CD44: variants seen among roughly 807,000 people sequenced by gnomAD.
The protein encoded by CD44 is CD44 antigen.
Under a neutral mutation model 88.8 loss-of-function variants are expected in CD44, and 49 were observed. The observed-to-expected ratio is 0.55, with a 90% CI of 0.44 to 0.70. The LOEUF (loss-of-function observed/expected upper bound fraction) is 0.70, where lower values mean the gene tolerates loss of function less well. Among genes scored for constraint, CD44 ranks in the 30% least tolerant of loss-of-function variants. CD44 has a pLI of 0.00. For missense variants in CD44, 883 were observed against 913.8 expected (o/e 0.97, Z 0.43); for synonymous variants, 325 against 312.3 (o/e 1.04, Z -0.43).
At chr11:35,143,014 C>T (rs752034898) in intron 1 of CD44, among the ~76,000 whole-genome samples, 7 of 152,070 alleles carry the variant, frequency 4.6e-5, no homozygotes, top group Non-Finnish European at 7.4e-5. Context: ...CTCAACCCCA[C>T]CCCCTGCAGT....
At chr11:35,229,042 C>T (rs563268359) in intron 17 of CD44, 87 bp from the exon 18 acceptor site, 2 of 1,091,878 alleles carry the variant, frequency 1.8e-6, no homozygotes, top group East Asian at 2.4e-5. Context: ...CCATAGTGAT[C>T]ATCAATGATG....
In CD44 at chr11:35,204,629, C is replaced by A; in HGVS notation, c.1271C>A (p.Thr424Lys). The A allele has an allele frequency of 6.2e-7, 1 of 1,613,050 alleles. No individual in the cohort carries two copies. Among genetic ancestry groups the A allele is most frequent in the South Asian group, 1.1e-5 (1 of 91,050 alleles). Residue 424 changes from threonine to lysine, a missense_variant, in exon 10 of 18, where the codon ACA (threonine) becomes AAA (lysine). Thr to Lys is a moderately conservative substitution (Grantham distance 78, BLOSUM62 -1). Coordinates refer to ENST00000428726, the MANE Select transcript of CD44 (RefSeq NM_000610.4). ...QTPKEDSHSTTGTAAASAHTS... is the reference protein window; with the variant it reads ...QTPKEDSHSTKGTAAASAHTS... ...CCCAAAGAAGACTCCCATTCGACAA[C>A]AGGGACAGCTGGTAATGGATGGTTT...
intron 2 of CD44, among the ~76,000 whole-genome samples, chr11:35,179,379 T>C (rs889739013): frequency 6.6e-6 from 1 of 152,186 alleles, no homozygotes; most frequent in African/African-American, 2.4e-5. Context: ...GCATTTTATA[T>C]TCAAAAAAAA....
chr11:35,190,334 T>C (rs893002142), intron 5 of CD44: 3 of 520,792 alleles, frequency 5.8e-6, no homozygotes, highest in African/African-American at 3.8e-5. Flanking sequence ...GGGAGAGCCC[T>C]CCTTATTCTC....
At chr11:35,210,453 T>C (rs1676670029) in intron 13 of CD44, 1 of 152,904 alleles carries the variant, frequency 6.5e-6, no homozygotes, top group Admixed American at 6.5e-5. Flanking sequence ...GAGATTCTGA[T>C]ATGTTGTATC....
At chr11:35,182,459 C>T (rs76829147) in intron 3 of CD44, among the ~76,000 whole-genome samples, 10,050 of 152,156 alleles carry the variant, frequency 0.066, 405 homozygotes, top group South Asian at 0.19. Context: ...AATGTTTACT[C>T]CTCCCTGTTA....
intron 1 of CD44, 73 bp downstream of exon 1, chr11:35,139,443 C>T (rs1857450868): frequency 7.5e-7 from 1 of 1,327,436 alleles, no homozygotes; most frequent in Admixed American, 2.0e-5. Context: ...GCAGCCCCTC[C>T]GGCTGAGTCG....
chr11:35,193,536 C>T (rs1157913507), intron 5 of CD44, among the ~76,000 whole-genome samples: 1 of 152,178 alleles, frequency 6.6e-6, no homozygotes, highest in Non-Finnish European at 1.5e-5. Context: ...TGTAGCATCA[C>T]TTTTTTGAGG....
At chr11:35,176,963 G>A (rs1944527091) in intron 2 of CD44, 1 of 485,834 alleles carries the variant, frequency 2.1e-6, no homozygotes. Context: ...CCCAGAGGAA[G>A]CCATTAGGGG....
intron 5 of CD44, among the ~76,000 whole-genome samples, chr11:35,193,156 G>T (rs956176023): frequency 7.2e-5 from 11 of 152,154 alleles, no homozygotes; most frequent in Non-Finnish European, 1.3e-4. Flanking sequence ...TGCAGCAGGG[G>T]TGTCCAGTCT....
chr11:35,167,895 G>A (rs1370618581), intron 1 of CD44, among the ~76,000 whole-genome samples: 1 of 152,236 alleles, frequency 6.6e-6, no homozygotes, highest in African/African-American at 2.4e-5. Context: ...AAGGGCAGGA[G>A]GCCTGGGGGC....
chr11:35,222,332 G>A, intron 17 of CD44: 6 of 973,108 alleles, frequency 6.2e-6, no homozygotes, highest in Non-Finnish European at 8.7e-6. Context: ...TTTGTTGTTT[G>A]GTTTTTGTAA....
At chr11:35,202,801 C>G (rs533887035) in intron 9 of CD44, among the ~76,000 whole-genome samples, 1 of 152,210 alleles carries the variant, frequency 6.6e-6, no homozygotes, top group East Asian at 1.9e-4. Context: ...TGTATACATA[C>G]GGCTTAGGGG....
chr11:35,160,889 T>G (rs1942507870), intron 1 of CD44, among the ~76,000 whole-genome samples: 1 of 152,198 alleles, frequency 6.6e-6, no homozygotes, highest in South Asian at 2.1e-4. Flanking sequence ...CTCCTTAGAA[T>G]GGTGTTTTAT....
intron 1 of CD44, among the ~76,000 whole-genome samples, chr11:35,142,823 C>A (rs1165177000): frequency 6.6e-6 from 1 of 152,200 alleles, no homozygotes; most frequent in East Asian, 1.9e-4. Context: ...ATGACAGATT[C>A]CCTTCCATTC....
At position 35,229,463 on chromosome 11, in the gene CD44, A is replaced by C; in HGVS notation, c.*130A>C. On this transcript the variant is annotated 3_prime_UTR_variant, in exon 18 of 18. Transcript: ENST00000428726. ...AATCTTTTTTAGCATAAAATTTTCT[A>C]CTCTTTTTGTTTTTTGTGTTTTGTT... The C allele has an allele frequency of 1.6e-6, 1 of 614,698 alleles. No individual in the cohort carries two copies. 38.1% of individuals were successfully genotyped at this position (614,698 alleles called of 1,614,324 possible). A position where few individuals can be genotyped will look rare whatever the true frequency, so the allele number is the denominator to read the frequency against.
At chr11:35,158,103 C>T (rs1406606403) in intron 1 of CD44, among the ~76,000 whole-genome samples, 1 of 152,158 alleles carries the variant, frequency 6.6e-6, no homozygotes, top group Non-Finnish European at 1.5e-5. Flanking sequence ...GCATTGTTTG[C>T]GTTGTTAAAA....
chr11:35,148,869 C>T (rs1859733296), intron 1 of CD44, among the ~76,000 whole-genome samples: 1 of 152,154 alleles, frequency 6.6e-6, no homozygotes, highest in East Asian at 1.9e-4. Context: ...AATTCTTTTT[C>T]TTCATTTTTT....
intron 1 of CD44, among the ~76,000 whole-genome samples, chr11:35,146,660 T>C (rs1024793734): frequency 6.6e-6 from 1 of 152,226 alleles, no homozygotes; most frequent in Non-Finnish European, 1.5e-5. Flanking sequence ...ATGCAGCTGA[T>C]AAGTGATGGC....
Sources: allele counts gnomAD v4.1 joint callset (sites outside exome capture counted in the v4.1 genomes callset), GRCh38; gene constraint gnomAD v4.1.1; transcripts MANE v1.5; gene names NCBI Gene and HGNC (gene_info 2026-07-23, HGNC 2026-07-21).